Variants in GPM6A observed in about 807,000 individuals in gnomAD.
The protein encoded by GPM6A is neuronal membrane glycoprotein M6-a.
In GPM6A, 7 loss-of-function variants were observed where a neutral mutation model predicts 32.1. The ratio of observed to expected loss-of-function variants is 0.22; its 90% CI spans 0.12 to 0.41. The LOEUF is 0.41. Among genes scored for constraint, GPM6A ranks in the 10% least tolerant of loss-of-function variants. The pLI, the probability that GPM6A is intolerant of heterozygous loss-of-function variation, is 1.00. For synonymous variants in GPM6A, 130 were observed against 123.4 expected (o/e 1.05, Z -0.35); for missense variants, 235 against 347.2 (o/e 0.68, Z 2.57).
chr4:175,669,818 T>C (rs921592863), intron 3 of GPM6A, among the ~76,000 whole-genome samples: 4 of 152,112 alleles, frequency 2.6e-5, no homozygotes, highest in Non-Finnish European at 5.9e-5. Flanking sequence ...TCTATTCCCA[T>C]ATGACTGCTG....
chr4:175,698,054 T>A (rs760507706), intron 2 of GPM6A, among the ~76,000 whole-genome samples: 1 of 151,970 alleles, frequency 6.6e-6, no homozygotes, highest in Non-Finnish European at 1.5e-5. Context: ...TTGAGATAAG[T>A]GTATGTATTT....
intron 2 of GPM6A, among the ~76,000 whole-genome samples, chr4:175,695,430 G>C (rs1034292913): frequency 1.3e-5 from 2 of 152,184 alleles, no homozygotes; most frequent in South Asian, 2.1e-4. Flanking sequence ...GCCTGGGGGG[G>C]CCCAACCTTT....
At chr4:175,872,243 C>A (rs1286257606) in intron 1 of GPM6A, among the ~76,000 whole-genome samples, 1 of 152,158 alleles carries the variant, frequency 6.6e-6, no homozygotes. Context: ...CCTCTGCAAG[C>A]TCTCTGGAAC....
intron 1 of GPM6A, among the ~76,000 whole-genome samples, chr4:175,719,684 C>T (rs1371024450): frequency 6.6e-6 from 1 of 152,080 alleles, no homozygotes; most frequent in East Asian, 1.9e-4. Context: ...GTCTAGAGAG[C>T]TTGAATTGTC....
intron 4 of GPM6A, among the ~76,000 whole-genome samples, chr4:175,647,995 T>A (rs2110907531): frequency 6.6e-6 from 1 of 152,258 alleles, no homozygotes; most frequent in East Asian, 1.9e-4. Flanking sequence ...AAAGAAAAGG[T>A]ACCTTTGGAT....
In GPM6A at chr4:175,829,316, AG is replaced by A. The variant is rs1735533501; in HGVS notation, c.-22-17068del. On this transcript the variant is annotated intron_variant, in intron 1 of 7. Coordinates refer to the GPM6A transcript ENST00000280187. ...GTTATAACCATAATCATATCAAGAC[AG>A]GGGGAAAGTTTCAAGTTGAAAGATT... 2.6e-5 allele frequency among the ~76,000 whole-genome samples: 4 copies of A among 152,300 alleles called. No homozygotes were observed. The South Asian group carries it at 8.3e-4, about 32-fold the overall frequency.
chr4:175,683,001 T>G (rs1389005400), intron 2 of GPM6A, among the ~76,000 whole-genome samples: 1 of 152,132 alleles, frequency 6.6e-6, no homozygotes, highest in African/African-American at 2.4e-5. Context: ...GACCCCAGAA[T>G]AGTGGATCCA....
At chr4:175,736,263 A>G (rs758887116) in intron 1 of GPM6A, among the ~76,000 whole-genome samples, 42 of 152,140 alleles carry the variant, frequency 2.8e-4, no homozygotes, top group Non-Finnish European at 4.4e-4. Flanking sequence ...CAATTCTCCT[A>G]CCTCATCCTT....
At chr4:175,860,032 G>A (rs1206642209) in intron 1 of GPM6A, among the ~76,000 whole-genome samples, 1 of 151,904 alleles carries the variant, frequency 6.6e-6, no homozygotes, top group Non-Finnish European at 1.5e-5. Context: ...GAAATTTATG[G>A]AATGCAGGGA....
At chr4:175,646,041 T>C (rs1741445330) in intron 4 of GPM6A, among the ~76,000 whole-genome samples, 1 of 152,134 alleles carries the variant, frequency 6.6e-6, no homozygotes, top group African/African-American at 2.4e-5. Context: ...ATGACTCCTC[T>C]CCTTTGGCCC....
At chr4:175,838,041 C>T (rs145885967) in intron 1 of GPM6A, among the ~76,000 whole-genome samples, 2 of 151,234 alleles carry the variant, frequency 1.3e-5, no homozygotes, top group African/African-American at 4.9e-5. Flanking sequence ...CTCCAAAGCA[C>T]CTACCACAGC....
chr4:175,743,946 A>G (rs1207625229), intron 1 of GPM6A, among the ~76,000 whole-genome samples: 2 of 146,976 alleles, frequency 1.4e-5, no homozygotes, highest in Non-Finnish European at 3.0e-5. Flanking sequence ...TTGTACATCA[A>G]TATCTAATAG....
chr4:175,922,338 C>G (rs1738696833), intron 1 of GPM6A, among the ~76,000 whole-genome samples: 1 of 152,158 alleles, frequency 6.6e-6, no homozygotes, highest in Non-Finnish European at 1.5e-5. Flanking sequence ...AATCAGTCCA[C>G]ATTAATAGAT....
At chr4:175,916,064 C>T (rs536976191) in intron 1 of GPM6A, among the ~76,000 whole-genome samples, 16 of 152,332 alleles carry the variant, frequency 1.1e-4, no homozygotes, top group African/African-American at 3.6e-4. Context: ...ATTCTCCTAT[C>T]TCCACAGCCA....
intron 1 of GPM6A, among the ~76,000 whole-genome samples, chr4:175,827,675 G>A (rs1735481194): frequency 1.3e-5 from 2 of 152,144 alleles, no homozygotes. Context: ...TGTTGGTTTG[G>A]TCCGCATGAT....
intron 6 of GPM6A, among the ~76,000 whole-genome samples, chr4:175,638,902 T>C (rs540490300): frequency 6.6e-6 from 1 of 152,324 alleles, no homozygotes; most frequent in Non-Finnish European, 1.5e-5. Context: ...AACTTGCTGA[T>C]TCTTCCCCAG....
At chr4:175,796,223 T>C (rs1387901092) in intron 1 of GPM6A, among the ~76,000 whole-genome samples, 8 of 152,164 alleles carry the variant, frequency 5.3e-5, no homozygotes, top group Admixed American at 5.2e-4. Flanking sequence ...TATCTACTTA[T>C]CTTTTATCAA....
intron 1 of GPM6A, among the ~76,000 whole-genome samples, chr4:175,995,376 T>TAAAAAAAA (rs10541049): frequency 2.1e-5 from 2 of 96,302 alleles, no homozygotes. Context: ...TTTCAATTTG[T>TAAAAAAAA]AAAAAAAAAA....
intron 1 of GPM6A, among the ~76,000 whole-genome samples, chr4:175,782,926 C>T (rs977627625): frequency 2.0e-5 from 3 of 148,316 alleles, no homozygotes; most frequent in African/African-American, 7.5e-5. Flanking sequence ...TTAACACAGA[C>T]ATGGTAATAT....
Sources: gnomAD v4.1 joint callset for allele counts (sites outside exome capture counted in the v4.1 genomes callset) on GRCh38, gnomAD v4.1.1 for gene constraint, MANE v1.5 for transcripts, NCBI Gene and HGNC (gene_info 2026-07-23, HGNC 2026-07-21) for gene names.